PRKCB: variants seen among roughly 807,000 people sequenced by gnomAD.
PRKCB encodes the protein protein kinase C beta type.
A neutral mutation model predicts 81.5 loss-of-function variants in PRKCB; 13 were observed. The observed-to-expected ratio is 0.16, with a 90% CI of 0.10 to 0.25. The LOEUF is 0.25. PRKCB is among the 10% of genes least tolerant of loss of function. PRKCB has a pLI of 1.00. For missense variants in PRKCB, 509 were observed against 875.7 expected, an observed-to-expected ratio of 0.58 and a Z score of 5.29; for synonymous variants, 335 against 321.4, an observed-to-expected ratio of 1.04 and a Z score of -0.45.
Position 23,836,098 on chromosome 16 carries a change from G to A in PRKCB, c.-78G>A. On this transcript the variant is annotated 5_prime_UTR_variant, in exon 1 of 17. Transcript: ENST00000643927. Reference sequence around the variant, plus strand: ...GGTGCAGCAGCGGCCGCCGCCTCCCGCGCCTCCCCGGCCCGCAGCCCGCGG... The same window carrying A: ...GGTGCAGCAGCGGCCGCCGCCTCCCACGCCTCCCCGGCCCGCAGCCCGCGG... 9.7e-7 allele frequency: 1 copy of A among 1,028,626 alleles called. No individual in the cohort carries two copies. The highest frequency in any genetic ancestry group is 4.5e-5 in the South Asian group (1 of 22,140). 63.7% of individuals were successfully genotyped at this position (1,028,626 alleles called of 1,614,324 possible). A position where few individuals can be genotyped will look rare whatever the true frequency, so the allele number is the denominator to read the frequency against.
intron 10 of PRKCB, among the ~76,000 whole-genome samples, chr16:24,165,449 T>C (rs1213049644): frequency 1.3e-5 from 2 of 152,212 alleles, no homozygotes; most frequent in Non-Finnish European, 2.9e-5. Context: ...TTCATCCTTT[T>C]AATGCCTGCC....
chr16:24,084,475 T>A (rs1158235250), intron 5 of PRKCB, among the ~76,000 whole-genome samples: 3 of 152,058 alleles, frequency 2.0e-5, no homozygotes, highest in African/African-American at 7.2e-5. Flanking sequence ...CTTGGACAGA[T>A]AAAAGCGGTT....
intron 5 of PRKCB, among the ~76,000 whole-genome samples, chr16:24,072,390 C>T (rs1019646678): frequency 6.6e-6 from 1 of 151,876 alleles, no homozygotes. Flanking sequence ...ACATCAGCCT[C>T]CTAAGTAGCT....
chr16:24,170,245 A>G (rs1967420765), intron 10 of PRKCB, among the ~76,000 whole-genome samples: 1 of 152,136 alleles, frequency 6.6e-6, no homozygotes, highest in Non-Finnish European at 1.5e-5. Context: ...AGGACTCTGT[A>G]AATTTGTTTT....
chr16:24,094,995 GC>G (rs1372698958), intron 7 of PRKCB, among the ~76,000 whole-genome samples: 1 of 152,140 alleles, frequency 6.6e-6, no homozygotes, highest in African/African-American at 2.4e-5. Flanking sequence ...AAAATCTGGG[GC>G]TAGAAGGCAA....
At position 24,199,910 on chromosome 16, in the gene PRKCB, G is replaced by T. The variant is rs76630119; in HGVS notation, c.1863+8680G>T. Among the ~76,000 whole-genome samples, 762 of 152,310 alleles carry T rather than the reference G, an allele frequency of 5.0e-3. 6 individuals carry two copies. The highest frequency in any genetic ancestry group is 0.017 in the African/African-American group (712 of 41,570). On this transcript the variant is annotated intron_variant, in intron 16 of 16. Transcript: ENST00000643927. ...AGAAGCACTTGGAGCCCCTGGTAAGGTTTGTGATTGTGCTACCAGGAGAGT... is the reference window on the plus strand; with the variant it reads ...AGAAGCACTTGGAGCCCCTGGTAAGTTTTGTGATTGTGCTACCAGGAGAGT...
chr16:23,867,992 AGG>A (rs10552724), intron 2 of PRKCB, among the ~76,000 whole-genome samples: 147,165 of 152,250 alleles, frequency 0.97, 71,159 homozygotes, highest in East Asian at 1. Flanking sequence ...CACATAAAAC[AGG>A]GGAGATCTGG....
At chr16:24,173,669 C>T (rs1446257637) in intron 11 of PRKCB, among the ~76,000 whole-genome samples, 2 of 152,230 alleles carry the variant, frequency 1.3e-5, no homozygotes, top group Non-Finnish European at 2.9e-5. Context: ...CAAAGCCCTG[C>T]CCAACCTTTG....
At chr16:23,894,619 C>A (rs1031963314) in intron 2 of PRKCB, among the ~76,000 whole-genome samples, 1 of 152,160 alleles carries the variant, frequency 6.6e-6, no homozygotes, top group Non-Finnish European at 1.5e-5. Flanking sequence ...ACAGGTGACA[C>A]CATGTAGAAC....
intron 2 of PRKCB, among the ~76,000 whole-genome samples, chr16:23,919,141 T>C (rs1963786293): frequency 6.6e-6 from 1 of 152,262 alleles, no homozygotes; most frequent in African/African-American, 2.4e-5. Context: ...AAATGTGTTA[T>C]CCATCAAGTA....
chr16:24,099,877 ACCAG>A (rs3216340), intron 7 of PRKCB: 66,532 of 151,114 alleles, frequency 0.44, 16,085 homozygotes, highest in Non-Finnish European at 0.54. Context: ...CTGGAGGCTG[ACCAG>A]GAGAATTGCT....
intron 2 of PRKCB, among the ~76,000 whole-genome samples, chr16:23,880,923 T>G (rs1178505389): frequency 6.6e-6 from 1 of 152,136 alleles, no homozygotes; most frequent in Non-Finnish European, 1.5e-5. Context: ...TCTTTTTTTT[T>G]GTATGGTTCT....
chr16:24,110,605 C>T (rs1217827456), intron 7 of PRKCB, among the ~76,000 whole-genome samples: 1 of 149,018 alleles, frequency 6.7e-6, no homozygotes, highest in Non-Finnish European at 1.5e-5. Context: ...CAGCCTTGAC[C>T]TTCTGGACTC....
At chr16:24,034,050 A>G (rs950547208) in intron 4 of PRKCB, among the ~76,000 whole-genome samples, 4 of 152,148 alleles carry the variant, frequency 2.6e-5, no homozygotes, top group Non-Finnish European at 5.9e-5. Flanking sequence ...ACATGCAGCA[A>G]CGTGGAAACA....
intron 9 of PRKCB, among the ~76,000 whole-genome samples, chr16:24,138,845 CTTTTTTTTTTTTTT>C (rs991952336): frequency 1.3e-5 from 1 of 78,848 alleles, no homozygotes; most frequent in Non-Finnish European, 2.3e-5. Context: ...CAGTATTTGT[CTTTTTTTTTTTTTT>C]TTTTTTTTTT....
At chr16:24,173,827 C>T (rs1967485295) in intron 11 of PRKCB, among the ~76,000 whole-genome samples, 1 of 152,198 alleles carries the variant, frequency 6.6e-6, no homozygotes, top group Non-Finnish European at 1.5e-5. Flanking sequence ...ATCTCTCTAA[C>T]CCTCAGTTTC....
At chr16:23,914,418 A>C (rs1963707889) in intron 2 of PRKCB, among the ~76,000 whole-genome samples, 1 of 152,172 alleles carries the variant, frequency 6.6e-6, no homozygotes, top group Non-Finnish European at 1.5e-5. Flanking sequence ...TTAGCACAGC[A>C]TCATAAGTCA....
At chr16:24,158,407 T>A (rs1460878050) in intron 10 of PRKCB, among the ~76,000 whole-genome samples, 2 of 152,148 alleles carry the variant, frequency 1.3e-5, no homozygotes, top group African/African-American at 4.8e-5. Flanking sequence ...TCCCATTGTG[T>A]AGACCAGGGG....
intron 3 of PRKCB, among the ~76,000 whole-genome samples, chr16:24,021,012 C>CTTTCTTTCTTTCTTTCTTTCT (rs1965360616): frequency 3.5e-5 from 5 of 141,532 alleles, no homozygotes; most frequent in Non-Finnish European, 7.6e-5. Flanking sequence ...TTCTTTCTTT[C>CTTTCTTTCTTTCTTTCTTTCT]TTTCTTTCTT....
Sources: allele counts gnomAD v4.1 joint callset (sites outside exome capture counted in the v4.1 genomes callset), GRCh38; gene constraint gnomAD v4.1.1; transcripts MANE v1.5; gene names NCBI Gene and HGNC (gene_info 2026-07-23, HGNC 2026-07-21).